The following NRXN3 variants were observed in gnomAD, a reference collection of about 807,000 sequenced individuals.
The protein encoded by NRXN3 is neurexin III.
In NRXN3, 32 loss-of-function variants were observed where a neutral mutation model predicts 137.6. The observed-to-expected ratio is 0.23, with a 90% CI of 0.18 to 0.31. The LOEUF (loss-of-function observed/expected upper bound fraction) is 0.31. Ranked by LOEUF, NRXN3 falls within the 10% of genes least tolerant of loss-of-function variation. The pLI, the probability that NRXN3 is intolerant of heterozygous loss-of-function variation, is 1.00. For missense variants in NRXN3, 1,574 were observed against 2,062.5 expected, an observed-to-expected ratio of 0.76 and a Z score of 4.59; for synonymous variants, 798 against 784.5, an observed-to-expected ratio of 1.02 and a Z score of -0.29.
intron 4 of NRXN3, among the ~76,000 whole-genome samples, chr14:78,601,459 T>G (rs1488914379): frequency 8.8e-6 from 1 of 113,480 alleles, no homozygotes. Context: ...TACTGATTCT[T>G]TTTTTTTTTT....
intron 4 of NRXN3, among the ~76,000 whole-genome samples, chr14:78,585,142 G>C (rs929391684): frequency 8.8e-5 from 13 of 148,424 alleles, no homozygotes; most frequent in South Asian, 2.3e-4. Flanking sequence ...GGAGATAAGG[G>C]GGGGGGGTGA....
At chr14:79,072,886 C>CT (rs11424011) in intron 15 of NRXN3, among the ~76,000 whole-genome samples, 64,783 of 139,198 alleles carry the variant, frequency 0.47, 17,182 homozygotes, top group Non-Finnish European at 0.61. Flanking sequence ...CTCTCTCTCT[C>CT]TTTTTTTTTT....
chr14:78,375,785 C>G (rs2087705987), intron 4 of NRXN3, among the ~76,000 whole-genome samples: 1 of 152,028 alleles, frequency 6.6e-6, no homozygotes, highest in Non-Finnish European at 1.5e-5. Context: ...TGCAGTGCAC[C>G]TGCAGTGATC....
intron 1 of NRXN3, among the ~76,000 whole-genome samples, chr14:78,184,723 A>G (rs1031659860): frequency 1.3e-5 from 2 of 152,224 alleles, no homozygotes; most frequent in African/African-American, 4.8e-5. Context: ...CAGCGTAGAG[A>G]TGAGGACCAG....
At chr14:78,643,043 C>T (rs1436594278) in intron 4 of NRXN3, among the ~76,000 whole-genome samples, 1 of 152,206 alleles carries the variant, frequency 6.6e-6, no homozygotes, top group East Asian at 1.9e-4. Flanking sequence ...GAAACTTGAT[C>T]TCTTCTTTAA....
chr14:78,687,798 C>A (rs989810525), intron 6 of NRXN3, among the ~76,000 whole-genome samples: 6 of 152,216 alleles, frequency 3.9e-5, no homozygotes, highest in Admixed American at 3.9e-4. Context: ...CATAACACTT[C>A]TGCTCAAACT....
chr14:79,078,982 A>T (rs1355054639), intron 15 of NRXN3, among the ~76,000 whole-genome samples: 1 of 152,172 alleles, frequency 6.6e-6, no homozygotes, highest in African/African-American at 2.4e-5. Context: ...AGTCCTTATA[A>T]TTCATGGCAT....
At chr14:79,237,657 T>C (rs1288275138) in intron 15 of NRXN3, among the ~76,000 whole-genome samples, 1 of 152,122 alleles carries the variant, frequency 6.6e-6, no homozygotes, top group Non-Finnish European at 1.5e-5. Flanking sequence ...ATACCTATTA[T>C]GGTCCATGTG....
chr14:78,440,160 T>A (rs2094197266), intron 4 of NRXN3, among the ~76,000 whole-genome samples: 1 of 152,242 alleles, frequency 6.6e-6, no homozygotes, highest in South Asian at 2.1e-4. Context: ...ACGTGAGTTG[T>A]GTGTCTTCCT....
At chr14:78,307,245 A>G (rs1385100783) in intron 4 of NRXN3, among the ~76,000 whole-genome samples, 1 of 152,000 alleles carries the variant, frequency 6.6e-6, no homozygotes, top group Non-Finnish European at 1.5e-5. Context: ...AATACCATCC[A>G]AATCAAGAAA....
chr14:79,562,890 G>C (rs2097512784), intron 16 of NRXN3, among the ~76,000 whole-genome samples: 1 of 152,104 alleles, frequency 6.6e-6, no homozygotes, highest in South Asian at 2.1e-4. Context: ...GTCATAATCT[G>C]TTCTGAGTTC....
At chr14:79,242,441 A>C (rs1212653983) in intron 15 of NRXN3, among the ~76,000 whole-genome samples, 2 of 152,120 alleles carry the variant, frequency 1.3e-5, no homozygotes, top group East Asian at 3.9e-4. Context: ...GCTCCTGCTA[A>C]ATGTTAGAGA....
Position 78,808,263 on chromosome 14 carries a change from A to G in NRXN3, c.2249-2055A>G, listed in dbSNP as rs551840901. On this transcript the variant is annotated intron_variant, in intron 9 of 20. Transcript: ENST00000335750. ...GGTTTAAAGACCGCATCCACTTTAC[A>G]TGAAATCATTTGAGTGATCCAGAAA... Among the ~76,000 whole-genome samples, 64 of 152,334 alleles carry G rather than the reference A, an allele frequency of 4.2e-4. 1 individual carries two copies. The highest frequency in any genetic ancestry group is 1.4e-3 in the African/African-American group (60 of 41,586).
chr14:79,060,649 G>T (rs1277808653), intron 15 of NRXN3, among the ~76,000 whole-genome samples: 1 of 152,110 alleles, frequency 6.6e-6, no homozygotes, highest in Non-Finnish European at 1.5e-5. Flanking sequence ...ACATTTTTGA[G>T]TTCTCGCTCA....
chr14:79,631,539 C>G (rs957395430), intron 16 of NRXN3, among the ~76,000 whole-genome samples: 1 of 152,226 alleles, frequency 6.6e-6, no homozygotes, highest in Non-Finnish European at 1.5e-5. Context: ...CTGGGCGCAG[C>G]CGGCTGATGC....
chr14:79,150,037 G>GTT (rs201174811), intron 15 of NRXN3, among the ~76,000 whole-genome samples: 4 of 151,164 alleles, frequency 2.6e-5, no homozygotes, highest in African/African-American at 9.7e-5. Flanking sequence ...TTTCCCCACT[G>GTT]TTTTTTTTTA....
At chr14:79,637,832 C>T (rs189399578) in intron 16 of NRXN3, among the ~76,000 whole-genome samples, 31 of 149,510 alleles carry the variant, frequency 2.1e-4, no homozygotes, top group Middle Eastern at 3.5e-3. Flanking sequence ...TGGGTTCAAG[C>T]GATTCTCCTG....
chr14:79,054,148 C>A, intron 15 of NRXN3, among the ~76,000 whole-genome samples: 1 of 106,692 alleles, frequency 9.4e-6, no homozygotes, highest in South Asian at 3.1e-4. Flanking sequence ...CATCACACAC[C>A]GGGGCCTGTT....
chr14:79,055,414 C>G (rs1055577115), intron 15 of NRXN3, among the ~76,000 whole-genome samples: 5 of 152,120 alleles, frequency 3.3e-5, no homozygotes, highest in African/African-American at 1.2e-4. Context: ...ATAATCTCGG[C>G]TTGGTAGTGA....
Sources: allele counts gnomAD v4.1 joint callset (sites outside exome capture counted in the v4.1 genomes callset), GRCh38; gene constraint gnomAD v4.1.1; transcripts MANE v1.5; gene names NCBI Gene and HGNC (gene_info 2026-07-23, HGNC 2026-07-21).